Variants in SYT9 observed in about 807,000 individuals in gnomAD.
The protein encoded by SYT9 is synaptotagmin 9, also known as synaptotagmin-9.
SYT9 carries 22 observed loss-of-function variants against 48.4 expected under a neutral mutation model. The ratio of observed to expected loss-of-function variants is 0.45; its 90% CI spans 0.32 to 0.65. SYT9 has a LOEUF of 0.65. Ranked by LOEUF, SYT9 falls within the 30% of genes least tolerant of loss-of-function variation. The probability of loss-of-function intolerance (pLI) is 0.03; values close to 1 mark genes in which losing one functional copy is unlikely to be tolerated. For synonymous variants in SYT9, 265 were observed against 245.0 expected, an observed-to-expected ratio of 1.08 and a Z score of -0.76; for missense variants, 577 against 622.0, an observed-to-expected ratio of 0.93 and a Z score of 0.77.
chr11:7,394,879 G>A (rs12419821), intron 3 of SYT9, among the ~76,000 whole-genome samples: 43,932 of 151,798 alleles, frequency 0.29, 7,349 homozygotes, highest in East Asian at 0.59. Flanking sequence ...TTGTTTCTCC[G>A]TTTTCATTTG....
chr11:7,317,332 A>G (rs1336867204), intron 3 of SYT9, among the ~76,000 whole-genome samples: 2 of 152,202 alleles, frequency 1.3e-5, no homozygotes, highest in Non-Finnish European at 2.9e-5. Flanking sequence ...ATAACAAAAT[A>G]CCATAAACTG....
chr11:7,328,010 C>T (rs1455428063), intron 3 of SYT9, among the ~76,000 whole-genome samples: 1 of 136,294 alleles, frequency 7.3e-6, no homozygotes, highest in Non-Finnish European at 1.6e-5. Flanking sequence ...CAGCATGGCA[C>T]ATGTATACAT....
At chr11:7,431,783 G>T (rs888780779) in intron 6 of SYT9, among the ~76,000 whole-genome samples, 1 of 152,252 alleles carries the variant, frequency 6.6e-6, no homozygotes. Flanking sequence ...CAAGCCATAA[G>T]CTTGGGCAGC....
chr11:7,292,314 G>T (rs1294401084), intron 1 of SYT9, among the ~76,000 whole-genome samples: 2 of 152,184 alleles, frequency 1.3e-5, no homozygotes, highest in Non-Finnish European at 2.9e-5. Flanking sequence ...GAAGTGTAAA[G>T]ATTTGAGCCA....
intron 3 of SYT9, among the ~76,000 whole-genome samples, chr11:7,321,632 A>G (rs1849339303): frequency 6.6e-6 from 1 of 152,196 alleles, no homozygotes; most frequent in Admixed American, 6.5e-5. Context: ...GCAGTCTTTT[A>G]TTGAACAGTA....
intron 3 of SYT9, among the ~76,000 whole-genome samples, chr11:7,374,039 A>C (rs966510067): frequency 6.6e-6 from 1 of 152,040 alleles, no homozygotes; most frequent in East Asian, 1.9e-4. Flanking sequence ...CATCATCTAC[A>C]TTAGGTATTT....
intron 6 of SYT9, chr11:7,438,303 A>C (rs1349896516): frequency 6.6e-6 from 1 of 152,120 alleles, no homozygotes; most frequent in African/African-American, 2.4e-5. Context: ...TGACCTGGAG[A>C]TACGTGGCCC....
intron 3 of SYT9, among the ~76,000 whole-genome samples, chr11:7,343,466 CAT>C (rs1849748048): frequency 2.0e-5 from 3 of 152,302 alleles, no homozygotes; most frequent in Admixed American, 2.0e-4. Flanking sequence ...TTTGCTAAAA[CAT>C]AGCAAAAGTC....
chr11:7,251,457 T>C (rs1345009402), upstream of SYT9, among the ~76,000 whole-genome samples: 2 of 152,168 alleles, frequency 1.3e-5, no homozygotes, highest in African/African-American at 4.8e-5. Flanking sequence ...CCTTCCTTTG[T>C]TGGCGAATCT....
chr11:7,386,185 A>G (rs149253269), intron 3 of SYT9, among the ~76,000 whole-genome samples: 8 of 152,290 alleles, frequency 5.3e-5, no homozygotes, highest in African/African-American at 1.9e-4. Context: ...TAAAAAAGCA[A>G]TTTAAACCCT....
At chr11:7,350,893 G>T (rs916180421) in intron 3 of SYT9, among the ~76,000 whole-genome samples, 4 of 152,184 alleles carry the variant, frequency 2.6e-5, no homozygotes, top group Admixed American at 2.6e-4. Flanking sequence ...ATTATTTATA[G>T]TGGATTCTTG....
intron 1 of SYT9, among the ~76,000 whole-genome samples, chr11:7,279,284 CTT>C (rs1234459349): frequency 1.3e-5 from 2 of 152,176 alleles, no homozygotes; most frequent in African/African-American, 4.8e-5. Context: ...CCATGCTTCT[CTT>C]ATTGATAGAG....
chr11:7,419,521 G>C (rs11041369), intron 5 of SYT9, among the ~76,000 whole-genome samples: 25,618 of 152,068 alleles, frequency 0.17, 2,245 homozygotes, highest in East Asian at 0.29. Flanking sequence ...TATCAGTCCA[G>C]TTATACCAGG....
intron 1 of SYT9, among the ~76,000 whole-genome samples, chr11:7,254,696 C>G (rs1271270450): frequency 6.6e-6 from 1 of 152,180 alleles, no homozygotes; most frequent in Non-Finnish European, 1.5e-5. Context: ...CACCTGAATG[C>G]CATGTCCCAG....
At chr11:7,447,758 C>T (rs746340612) in intron 6 of SYT9, among the ~76,000 whole-genome samples, 11 of 150,946 alleles carry the variant, frequency 7.3e-5, no homozygotes, top group Non-Finnish European at 1.5e-4. Flanking sequence ...TGTTGGTTTT[C>T]CTGAATCAAC....
At chr11:7,441,872 C>T (rs11041382) in intron 6 of SYT9, among the ~76,000 whole-genome samples, 2,623 of 152,202 alleles carry the variant, frequency 0.017, 65 homozygotes, top group African/African-American at 0.059. Flanking sequence ...TGGATCCCTT[C>T]TTCTGGGACA....
chr11:7,266,084 A>T (rs1286019491), intron 1 of SYT9, among the ~76,000 whole-genome samples: 1 of 152,100 alleles, frequency 6.6e-6, no homozygotes, highest in Non-Finnish European at 1.5e-5. Context: ...AGTTAAACAT[A>T]TTTCCATTCT....
intron 3 of SYT9, among the ~76,000 whole-genome samples, chr11:7,330,756 G>T (rs943184399): frequency 6.6e-6 from 1 of 152,136 alleles, no homozygotes; most frequent in Admixed American, 6.5e-5. Flanking sequence ...GAGGGCAGTG[G>T]TGTGATCTTG....
intron 1 of SYT9, among the ~76,000 whole-genome samples, chr11:7,264,628 G>A (rs895730456): frequency 6.6e-6 from 1 of 151,776 alleles, no homozygotes; most frequent in African/African-American, 2.4e-5. Flanking sequence ...GGAGAAGGGG[G>A]CCAGAGAATG....
Sources: allele counts gnomAD v4.1 joint callset (sites outside exome capture counted in the v4.1 genomes callset), GRCh38; gene constraint gnomAD v4.1.1; transcripts MANE v1.5; gene names NCBI Gene and HGNC (gene_info 2026-07-23, HGNC 2026-07-21).